The following ECE1 variants were observed in gnomAD, a reference collection of about 807,000 sequenced individuals.
The protein encoded by ECE1 is endothelin-converting enzyme 1.
In ECE1, 35 loss-of-function variants were observed where a neutral mutation model predicts 98.6. The ratio of observed to expected loss-of-function variants is 0.35; its 90% confidence interval spans 0.27 to 0.47. The LOEUF is 0.47. ECE1 is among the 20% of genes least tolerant of loss of function. The pLI is 1.00. For missense variants in ECE1, 814 were observed against 1,025.3 expected, an observed-to-expected ratio of 0.79 and a Z score of 2.81; for synonymous variants, 394 against 407.1, an observed-to-expected ratio of 0.97 and a Z score of 0.39.
At chr1:21,226,491 T>C (rs2098174397) in intron 16 of ECE1, among the ~76,000 whole-genome samples, 1 of 152,032 alleles carries the variant, frequency 6.6e-6, no homozygotes. Flanking sequence ...CTAAGACCCT[T>C]AGAAGTGAAG....
rs1639374399 is a variant in ECE1 at position 21,340,162 on chromosome 1, C to T, written c.3+5214G>A. 6.6e-6 allele frequency among the ~76,000 whole-genome samples: 1 copy of T among 152,254 alleles called. No homozygotes were observed. The highest frequency in any genetic ancestry group is 1.9e-4 in the East Asian group (1 of 5,200). ...TCCCCAGGTTGGCACATAGCATTTT[C>T]TACCTTATTTCAGAGCGATCTGGGA... is the stretch of plus-strand genomic sequence containing the variant. On this transcript the variant is annotated intron_variant, in intron 1 of 18. Transcript: ENST00000415912. The surrounding 1 kb of genome is among the most constrained non-coding windows in gnomAD (Gnocchi z 4.6).
At chr1:21,251,627 G>A (rs544283271) in intron 8 of ECE1, among the ~76,000 whole-genome samples, 16 of 152,336 alleles carry the variant, frequency 1.1e-4, no homozygotes, top group East Asian at 5.8e-4. Context: ...TGTGCGCAGC[G>A]GACTTGGGGG....
At chr1:21,279,743 G>A (rs1558409926) in intron 2 of ECE1, 3 of 1,262,872 alleles carry the variant, frequency 2.4e-6, no homozygotes, top group Non-Finnish European at 3.0e-6. Flanking sequence ...GGACAAGGGT[G>A]ACACAGCCAT....
At chr1:21,295,063 T>C (rs1638315257), upstream of ECE1, among the ~76,000 whole-genome samples, 1 of 152,196 alleles carries the variant, frequency 6.6e-6, no homozygotes, top group African/African-American at 2.4e-5. Context: ...TAAACCTCAT[T>C]TCAGATCCCC....
At chr1:21,287,387 G>A (rs952357884) in intron 2 of ECE1, among the ~76,000 whole-genome samples, 19 of 152,150 alleles carry the variant, frequency 1.2e-4, no homozygotes, top group Non-Finnish European at 1.3e-4. Flanking sequence ...TTAGCCGAGC[G>A]TGGTGACGTG....
intron 8 of ECE1, among the ~76,000 whole-genome samples, chr1:21,254,459 G>A (rs538873549): frequency 6.6e-6 from 1 of 152,086 alleles, no homozygotes; most frequent in Non-Finnish European, 1.5e-5. Context: ...TGGGAGGCAG[G>A]AAAAGCCTTT....
Position 21,290,392 on chromosome 1 carries a change from G to A in ECE1, c.23C>T (p.Pro8Leu), listed in dbSNP as rs1222090175. MRGVWPP[P>L]VSALLSALGM... ...CAGCGCCGACAGCAGGGCGGACACC[G>A]GGGGCGGCCACACGCCCCGCATGCT... Residue 8 changes from proline to leucine, a missense_variant, in exon 1 of 19, where the codon CCG becomes CTG. Around this residue, in one of 3 missense-constraint regions of ECE1, gnomAD observed 257 missense variants for 278.9 expected, o/e 0.92. Coordinates refer to ENST00000374893, the MANE Select transcript of ECE1 (RefSeq NM_001397.3). The surrounding 1 kb of genome is among the most constrained non-coding windows in gnomAD (Gnocchi z 7.3). The A allele has an allele frequency of 2.5e-6, 3 of 1,185,756 alleles. No homozygotes were observed. Among genetic ancestry groups the A allele is most frequent in the Non-Finnish European group, 3.1e-6 (3 of 960,602 alleles). The allele number at this position is 1,185,756 out of a possible 1,614,324, so 73.5% of individuals were successfully genotyped here. A position where few individuals can be genotyped will look rare whatever the true frequency, so the allele number is the denominator to read the frequency against.
In ECE1 at chr1:21,345,197, G is replaced by T; in HGVS notation, c.3+179C>A. On this transcript the variant is annotated intron_variant, in intron 1 of 18. Transcript: ENST00000415912. This position sits in a 1 kb window ranked among gnomAD's most constrained non-coding sequence, Gnocchi z 5.1. ...CAAGCGCAGCGCCGCCGGGAGAGCCGCGCTCTGCCCGGGCGCTCCCCGACT... is the reference window on the plus strand; with the variant it reads ...CAAGCGCAGCGCCGCCGGGAGAGCCTCGCTCTGCCCGGGCGCTCCCCGACT... 1.2e-6 allele frequency: 1 copy of T among 840,948 alleles called. No individual in the cohort carries two copies. The highest frequency in any genetic ancestry group is 1.5e-6 in the Non-Finnish European group (1 of 660,792). The allele number at this position is 840,948 out of a possible 1,614,324, so 52.1% of individuals were successfully genotyped here.
At position 21,283,632 on chromosome 1, in the gene ECE1, C is replaced by G. The variant is rs142311960; in HGVS notation, c.139-4300G>C. ...TAGCTCCAGAAGAAACCCAGGAAGT[C>G]GGGGCATGAAGGCAAGGAGAGAGGA... On this transcript the variant is annotated intron_variant, in intron 2 of 18. Transcript: ENST00000374893. Among the ~76,000 whole-genome samples, 285 of 152,208 alleles carry G rather than the reference C, an allele frequency of 1.9e-3. 2 individuals carry two copies. Among genetic ancestry groups the G allele is most frequent in the African/African-American group, 6.6e-3 (273 of 41,546 alleles).
Position 21,305,275 on chromosome 1 carries a change from T to G in ECE1, c.4-15119A>C, listed in dbSNP as rs367863476. ...AAGCCAGGCTAACTTCTGGTCTGAT[T>G]AACATCTGGATCCCTGGGCAAGGCA... On this transcript the variant is annotated intron_variant, in intron 1 of 18. Coordinates refer to the ECE1 transcript ENST00000415912. 5.3e-5 allele frequency among the ~76,000 whole-genome samples: 8 copies of G among 152,284 alleles called. No individual in the cohort carries two copies. The East Asian group carries it at 1.5e-3, about 29-fold the overall frequency.
At chr1:21,321,647 G>A (rs146565004) in intron 1 of ECE1, among the ~76,000 whole-genome samples, 7,656 of 152,130 alleles carry the variant, frequency 0.05, 196 homozygotes, top group South Asian at 0.081. Flanking sequence ...ATGGAGTCTC[G>A]CTCTGTTGCC....
At chr1:21,303,841 G>T (rs1051325831) in intron 1 of ECE1, among the ~76,000 whole-genome samples, 7 of 151,906 alleles carry the variant, frequency 4.6e-5, no homozygotes, top group African/African-American at 1.7e-4. Context: ...AATAGATAGG[G>T]GGTTTTGCCA....
intron 1 of ECE1, among the ~76,000 whole-genome samples, chr1:21,295,530 A>G (rs1314102740): frequency 6.6e-6 from 1 of 152,232 alleles, no homozygotes; most frequent in Non-Finnish European, 1.5e-5. Context: ...AAAATTTACT[A>G]TGAAGTTCCT....
chr1:21,237,763 C>T (rs926958099), intron 11 of ECE1, among the ~76,000 whole-genome samples: 1 of 152,176 alleles, frequency 6.6e-6, no homozygotes, highest in Non-Finnish European at 1.5e-5. Context: ...CACTCCTCTG[C>T]CTGTCTAGAA....
chr1:21,320,782 C>T lies in ECE1; in HGVS notation c.3+24594G>A, dbSNP rs538468437. ...TCTTCCCCACCCTTCCTTCATTCTG[C>T]GGAGGGTTCCTGAGGTCCCCAGCCT... On this transcript the variant is annotated intron_variant, in intron 1 of 18. Coordinates refer to the ECE1 transcript ENST00000415912. Among the ~76,000 whole-genome samples, 27 of 152,364 alleles carry T rather than the reference C, an allele frequency of 1.8e-4. 1 individual carries two copies. The South Asian group carries it at 4.6e-3, about 26-fold the overall frequency.
At chr1:21,262,714 C>A (rs1189622631) in intron 4 of ECE1, among the ~76,000 whole-genome samples, 1 of 152,214 alleles carries the variant, frequency 6.6e-6, no homozygotes, top group Non-Finnish European at 1.5e-5. Flanking sequence ...TGTCTGCAAG[C>A]CCCAAATTAT....
In ECE1 at chr1:21,236,788, C is replaced by A. The variant is rs2098188826; in HGVS notation, c.1446G>T (p.Leu482=). Residue 482 remains leucine, a synonymous_variant, in exon 12 of 19, where the codon CTG becomes CTT. Coordinates refer to ENST00000374893, the MANE Select transcript of ECE1 (RefSeq NM_001397.3). ...KKAFEESLST[L]KWMDEETRKS... Reference sequence around the variant, plus strand: ...TTCGGGTTTCCTCATCCATCCACTTCAGGGTGCTCAGGCTTTCCTCAAATG... The same window carrying A: ...TTCGGGTTTCCTCATCCATCCACTTAAGGGTGCTCAGGCTTTCCTCAAATG... 8.7e-6 allele frequency: 14 copies of A among 1,614,066 alleles called. No homozygotes were observed. Among genetic ancestry groups the A allele is most frequent in the Non-Finnish European group, 1.2e-5 (14 of 1,180,022 alleles).
In ECE1 at chr1:21,345,380, G is replaced by T. The variant is rs1056602557; in HGVS notation, c.-2C>A. On this transcript the variant is annotated 5_prime_UTR_variant, in exon 1 of 19. Coordinates refer to the ECE1 transcript ENST00000415912. This position sits in a 1 kb window ranked among gnomAD's most constrained non-coding sequence, Gnocchi z 5.1. ...ACCTCCGCGCGCAGCACTCACCATA[G>T]CTCGCGTGCTCCGCCCCGGCTTCGC... 63 of 1,341,246 alleles carry T rather than the reference G, an allele frequency of 4.7e-5. No homozygotes were observed. The African/African-American group carries it at 9.0e-4, about 19-fold the overall frequency. 83.1% of individuals were successfully genotyped at this position (1,341,246 alleles called of 1,614,324 possible).
Position 21,340,092 on chromosome 1 carries a change from G to C in ECE1, c.3+5284C>G, listed in dbSNP as rs967840661. Reference sequence around the variant, plus strand: ...AAGTGTTAACACCTCTTCTGGGAAGGCTTCCCTGATACACACCTATGGGCA... The same window carrying C: ...AAGTGTTAACACCTCTTCTGGGAAGCCTTCCCTGATACACACCTATGGGCA... On this transcript the variant is annotated intron_variant, in intron 1 of 18. Coordinates refer to the ECE1 transcript ENST00000415912. This position sits in a 1 kb window ranked among gnomAD's most constrained non-coding sequence, Gnocchi z 4.6. Among the ~76,000 whole-genome samples, 1 of 152,258 alleles carries C rather than the reference G, an allele frequency of 6.6e-6. No homozygotes were observed. The highest frequency in any genetic ancestry group is 1.5e-5 in the Non-Finnish European group (1 of 68,046).
Sources: allele counts gnomAD v4.1 joint callset (sites outside exome capture counted in the v4.1 genomes callset), GRCh38; gene constraint gnomAD v4.1.1; regional missense constraint gnomAD v4.1.1; non-coding constraint Gnocchi (gnomAD v3.1); transcripts MANE v1.5; gene names NCBI Gene and HGNC (gene_info 2026-07-23, HGNC 2026-07-21).